SUMF1: variants seen among roughly 807,000 people sequenced by gnomAD.
SUMF1 encodes the protein formylglycine-generating enzyme.
Under a neutral mutation model 47.6 loss-of-function variants are expected in SUMF1, and 48 were observed. The ratio of observed to expected loss-of-function variants is 1.01; its 90% CI spans 0.80 to 1.28. SUMF1 has a LOEUF of 1.28. Ranked by LOEUF, SUMF1 falls within the 50% of genes most tolerant of loss-of-function variation. The probability of loss-of-function intolerance (pLI) is 0.00; values close to 1 mark genes in which losing one functional copy is unlikely to be tolerated. For synonymous variants in SUMF1, 230 were observed against 192.1 expected, an observed-to-expected ratio of 1.20 and a Z score of -1.63; for missense variants, 571 against 485.4, an observed-to-expected ratio of 1.18 and a Z score of -1.66.
chr3:4,420,841 G>A (rs1355341818), intron 3 of SUMF1, among the ~76,000 whole-genome samples: 1 of 152,154 alleles, frequency 6.6e-6, no homozygotes, highest in Non-Finnish European at 1.5e-5. Flanking sequence ...AACCATGGTG[G>A]TCAGAGATCA....
At chr3:4,095,595 G>T (rs1692883414) in intron 8 of SUMF1, among the ~76,000 whole-genome samples, 1 of 152,052 alleles carries the variant, frequency 6.6e-6, no homozygotes, top group Non-Finnish European at 1.5e-5. Flanking sequence ...GGTAAAATGA[G>T]ATATGACCAG....
chr3:4,243,880 T>A lies in SUMF1; in HGVS notation c.1014+132450A>T, dbSNP rs185201794. ...GTGGAGTGTTACAGTCTCCGGTTAT[T>A]ATGTAGGAATCTAAGTCTCTTTGTA... On this transcript the variant is annotated intron_variant and NMD_transcript_variant, in intron 8 of 12. Transcript: ENST00000448413. Among the ~76,000 whole-genome samples the A allele has an allele frequency of 9.8e-5, 15 of 152,296 alleles. No individual in the cohort carries two copies. In the East Asian group the frequency reaches 2.9e-3, roughly 29 times the overall value.
chr3:4,170,953 A>G (rs1195455577), intron 8 of SUMF1, among the ~76,000 whole-genome samples: 1 of 152,220 alleles, frequency 6.6e-6, no homozygotes, highest in East Asian at 1.9e-4. Flanking sequence ...GGAAAAGTTG[A>G]AAAAGTTTGA....
intron 8 of SUMF1, among the ~76,000 whole-genome samples, chr3:4,289,170 G>C (rs1049200622): frequency 6.6e-6 from 1 of 152,214 alleles, no homozygotes; most frequent in African/African-American, 2.4e-5. Flanking sequence ...GGGGAAGATA[G>C]TGACAGAAAG....
At chr3:4,424,761 A>G (rs1222965495) in intron 3 of SUMF1, among the ~76,000 whole-genome samples, 2 of 152,266 alleles carry the variant, frequency 1.3e-5, no homozygotes, top group Non-Finnish European at 2.9e-5. Flanking sequence ...TGTATGCATA[A>G]CAATGTTTGT....
chr3:4,055,800 G>T (rs1324302310), intron 9 of SUMF1, among the ~76,000 whole-genome samples: 1 of 152,142 alleles, frequency 6.6e-6, no homozygotes, highest in Non-Finnish European at 1.5e-5. Context: ...TAGTTCTATA[G>T]TTCAGAATTC....
chr3:4,124,409 T>G (rs1190967601), intron 8 of SUMF1, among the ~76,000 whole-genome samples: 1 of 152,138 alleles, frequency 6.6e-6, no homozygotes, highest in Non-Finnish European at 1.5e-5. Context: ...AAATACAGAC[T>G]GCAGATCTTA....
intron 7 of SUMF1, among the ~76,000 whole-genome samples, chr3:4,390,176 G>A (rs1292991111): frequency 6.6e-6 from 1 of 152,186 alleles, no homozygotes; most frequent in Non-Finnish European, 1.5e-5. Flanking sequence ...CAGAAGTTCA[G>A]GTTCCTTGCT....
intron 7 of SUMF1, among the ~76,000 whole-genome samples, chr3:4,402,685 T>A (rs1701252875): frequency 6.6e-6 from 1 of 152,198 alleles, no homozygotes; most frequent in Admixed American, 6.5e-5. Context: ...ACAGCACTGA[T>A]AGCCAGAATG....
intron 8 of SUMF1, among the ~76,000 whole-genome samples, chr3:4,097,206 G>T (rs1340839277): frequency 6.6e-6 from 1 of 152,060 alleles, no homozygotes; most frequent in Non-Finnish European, 1.5e-5. Context: ...ACTCAATAAG[G>T]GTTGGGGAGG....
chr3:4,380,519 C>T (rs1700470585), intron 7 of SUMF1, among the ~76,000 whole-genome samples: 1 of 152,120 alleles, frequency 6.6e-6, no homozygotes, highest in Admixed American at 6.5e-5. Flanking sequence ...ACCAAACCCC[C>T]ACGGCCCACA....
At chr3:4,460,664 A>T (rs991270139) in intron 1 of SUMF1, among the ~76,000 whole-genome samples, 149 of 148,678 alleles carry the variant, frequency 1.0e-3, no homozygotes, top group African/African-American at 3.6e-3. Context: ...ATATATATAT[A>T]TATTTTTTAA....
chr3:4,136,985 G>T (rs1464799488), intron 8 of SUMF1, among the ~76,000 whole-genome samples: 1 of 152,028 alleles, frequency 6.6e-6, no homozygotes, highest in African/African-American at 2.4e-5. Context: ...GATGCCGGAG[G>T]GGATGTGGAG....
chr3:4,423,729 G>A (rs560447318), intron 3 of SUMF1, among the ~76,000 whole-genome samples: 3 of 152,258 alleles, frequency 2.0e-5, no homozygotes, highest in African/African-American at 4.8e-5. Flanking sequence ...CAATATTGGA[G>A]GTGGCGCCTG....
intron 9 of SUMF1, among the ~76,000 whole-genome samples, chr3:4,050,042 G>C (rs1403853915): frequency 1.3e-5 from 2 of 151,898 alleles, no homozygotes; most frequent in African/African-American, 4.8e-5. Flanking sequence ...ACGCCATTCT[G>C]CCACTTGTCT....
At chr3:4,049,540 C>T (rs1250962393) in intron 9 of SUMF1, among the ~76,000 whole-genome samples, 3 of 152,102 alleles carry the variant, frequency 2.0e-5, no homozygotes, top group Non-Finnish European at 4.4e-5. Context: ...GTTCAGTAAC[C>T]ACTGCTCCTC....
intron 8 of SUMF1, among the ~76,000 whole-genome samples, chr3:4,136,526 A>C (rs1331210138): frequency 1.3e-5 from 2 of 152,034 alleles, no homozygotes; most frequent in Admixed American, 6.6e-5. Flanking sequence ...CCCTAGAAGA[A>C]AACCTAGGCA....
intron 7 of SUMF1, among the ~76,000 whole-genome samples, chr3:4,386,791 T>G (rs1355528830): frequency 6.6e-6 from 1 of 152,042 alleles, no homozygotes; most frequent in Non-Finnish European, 1.5e-5. Context: ...ATTCCTATTT[T>G]CCTGAGAATT....
intron 8 of SUMF1, among the ~76,000 whole-genome samples, chr3:4,256,663 T>A (rs1424963833): frequency 6.6e-6 from 1 of 152,018 alleles, no homozygotes; most frequent in Non-Finnish European, 1.5e-5. Flanking sequence ...CCAGATGGAT[T>A]CACAGCCAAA....
Sources: allele counts gnomAD v4.1 joint callset (sites outside exome capture counted in the v4.1 genomes callset), GRCh38; gene constraint gnomAD v4.1.1; transcripts MANE v1.5; gene names NCBI Gene and HGNC (gene_info 2026-07-23, HGNC 2026-07-21).